The following RBM19 variants were observed in gnomAD, a reference collection of about 807,000 sequenced individuals.
The protein encoded by RBM19 is RNA binding motif protein 19.
A neutral mutation model predicts 116.8 loss-of-function variants in RBM19; 94 were observed. That is an observed-to-expected ratio of 0.80 (90% CI 0.68 to 0.95). The LOEUF (loss-of-function observed/expected upper bound fraction) is 0.95, where lower values mean the gene tolerates loss of function less well. Among genes scored for constraint, RBM19 ranks in the 40% least tolerant of loss-of-function variants. The pLI is 0.00. For missense variants in RBM19, 1,161 were observed against 1,220.7 expected (o/e 0.95, Z 0.73); for synonymous variants, 475 against 494.1 (o/e 0.96, Z 0.51).
At chr12:113,901,498 TATTCATTCATTCATTC>T (rs148668311) in intron 21 of RBM19, among the ~76,000 whole-genome samples, 1 of 151,628 alleles carries the variant, frequency 6.6e-6, no homozygotes, top group Non-Finnish European at 1.5e-5. Context: ...TTCCTTCTTT[TATTCATTCATTCATTC>T]ATTCATTCAT....
chr12:113,819,077 TA>T (rs1032964783), downstream of RBM19, among the ~76,000 whole-genome samples: 4 of 152,218 alleles, frequency 2.6e-5, no homozygotes, highest in African/African-American at 9.6e-5. Context: ...AGCCTCTTGA[TA>T]AGGGAGTTTC....
Position 113,840,551 on chromosome 12 carries a change from G to A in RBM19, c.2785+4117C>T, listed in dbSNP as rs77733270. On this transcript the variant is annotated intron_variant, in intron 23 of 23. Coordinates refer to ENST00000261741, the MANE Select transcript of RBM19 (RefSeq NM_016196.4). The stretch of plus-strand genomic sequence containing the variant: ...CCATCCTCTGTCCTGCTCCATCCCC[G>A]GAAGGCTGAACCCTACTGAACGTGT... Among the ~76,000 whole-genome samples the A allele has an allele frequency of 6.1e-4, 93 of 152,366 alleles. 1 individual carries two copies. In the East Asian group the frequency reaches 0.017, roughly 27 times the overall value.
chr12:113,960,763 T>C (rs1438094118), intron 2 of RBM19, among the ~76,000 whole-genome samples: 1 of 152,148 alleles, frequency 6.6e-6, no homozygotes, highest in Non-Finnish European at 1.5e-5. Context: ...TTAATTATCA[T>C]AAAGTAAGCT....
At chr12:113,924,632 G>T in intron 18 of RBM19, 65 bp downstream of exon 18, 1 of 1,399,176 alleles carries the variant, frequency 7.1e-7, no homozygotes, top group Non-Finnish European at 1.0e-6. Context: ...TGAAGCTGGA[G>T]CTTCTTTTGG....
rs1872857123 is a variant in RBM19, at chr12:113,966,220, C to T, written c.8G>A (p.Arg3Gln). MS[R>Q]LIVKNLPNGM... ...ATTCGGGAGATTCTTCACGATCAGT[C>T]GCGACATGGCGCAGGGTCCCCGCTG... Residue 3 changes from arginine to glutamine, a missense_variant, in exon 1 of 24, where the codon CGA (arginine) becomes CAA (glutamine). Physicochemically the swap from Arg to Gln is conservative, Grantham distance 43 (BLOSUM62 1). Transcript: ENST00000261741. 1.9e-6 allele frequency: 3 copies of T among 1,614,148 alleles called. No individual in the cohort carries two copies. The highest frequency in any genetic ancestry group is 2.2e-5 in the South Asian group (2 of 91,090).
At chr12:113,854,903 G>A (rs1399913893) in intron 22 of RBM19, among the ~76,000 whole-genome samples, 1 of 152,236 alleles carries the variant, frequency 6.6e-6, no homozygotes, top group Non-Finnish European at 1.5e-5. Context: ...CAGTGCGAGT[G>A]TGGTGAATGT....
At chr12:113,939,488 G>A (rs1189178153) in intron 15 of RBM19, among the ~76,000 whole-genome samples, 1 of 145,702 alleles carries the variant, frequency 6.9e-6, no homozygotes. Context: ...AGTGGCTCAC[G>A]CCTGTAATCC....
intron 23 of RBM19, among the ~76,000 whole-genome samples, chr12:113,837,733 C>G (rs1876096691): frequency 6.6e-6 from 1 of 152,234 alleles, no homozygotes; most frequent in South Asian, 2.1e-4. Context: ...GCTCTGTGGT[C>G]AGTAGCTGGG....
At chr12:113,925,789 T>C (rs1273275605) in intron 17 of RBM19, among the ~76,000 whole-genome samples, 1 of 152,192 alleles carries the variant, frequency 6.6e-6, no homozygotes, top group Non-Finnish European at 1.5e-5. Flanking sequence ...GGCTGCTGTT[T>C]GAGTGCATCT....
Position 113,823,277 on chromosome 12 carries a change from C to A in RBM19, c.2830G>T (p.Glu944Ter). The change falls in exon 24 of 24, where the codon GAG (glutamate) becomes TAG (stop). Residue 944 changes from glutamate (E) to a stop codon, truncating the protein, a stop_gained. Coordinates refer to ENST00000261741, the MANE Select transcript of RBM19 (RefSeq NM_016196.4). LOFTEE classifies it high-confidence loss of function. ...KRSVVLDEIL[E>*]QLEGSDSDSE... ...TCGCTGTCACTGCCTTCCAGCTGCTCCAGGATCTCGTCCAACACCACAGAC... is the reference window on the plus strand; with the variant it reads ...TCGCTGTCACTGCCTTCCAGCTGCTACAGGATCTCGTCCAACACCACAGAC... 1 of 1,613,196 alleles carries A rather than the reference C, an allele frequency of 6.2e-7. No individual in the cohort carries two copies. The highest frequency in any genetic ancestry group is 8.5e-7 in the Non-Finnish European group (1 of 1,180,028).
intron 1 of RBM19, among the ~76,000 whole-genome samples, chr12:113,964,157 A>G (rs1257410993): frequency 3.9e-5 from 6 of 152,330 alleles, no homozygotes; most frequent in Non-Finnish European, 2.9e-5. Flanking sequence ...AGTACTCACT[A>G]CTAATTATTT....
chr12:113,948,120 C>T lies in RBM19; in HGVS notation c.1277-656G>A, dbSNP rs145228615. The stretch of plus-strand genomic sequence containing the variant: ...ACTCAGGGCATCCTTACCCTGACAA[C>T]GGGGCCCACATCAGGTGTTCAACCT... On this transcript the variant is annotated intron_variant, in intron 10 of 23. Transcript: ENST00000261741. 3.0e-4 allele frequency among the ~76,000 whole-genome samples: 45 copies of T among 152,300 alleles called. No individual in the cohort carries two copies. The East Asian group carries it at 7.0e-3, about 24-fold the overall frequency.
chr12:113,848,417 T>C (rs940832367), intron 22 of RBM19, among the ~76,000 whole-genome samples: 1 of 152,204 alleles, frequency 6.6e-6, no homozygotes, highest in African/African-American at 2.4e-5. Context: ...TGTGGTGGCC[T>C]CAAACTGTCG....
intron 21 of RBM19, among the ~76,000 whole-genome samples, chr12:113,875,718 C>G (rs1879624551): frequency 6.6e-6 from 1 of 152,160 alleles, no homozygotes; most frequent in Admixed American, 6.5e-5. Context: ...GGTCAGGAGG[C>G]CCCTTGCAAC....
chr12:113,941,896 TC>T (rs1870606730), intron 14 of RBM19, among the ~76,000 whole-genome samples: 1 of 152,178 alleles, frequency 6.6e-6, no homozygotes, highest in Admixed American at 6.5e-5. Flanking sequence ...TCTCATGATG[TC>T]TTAGGGGCCC....
chr12:113,850,735 G>C (rs1313285635), intron 22 of RBM19, among the ~76,000 whole-genome samples: 1 of 152,250 alleles, frequency 6.6e-6, no homozygotes, highest in East Asian at 1.9e-4. Context: ...CAGTATTCCT[G>C]TCTTTAGAAC....
chr12:113,916,219 C>T (rs1000474857), intron 20 of RBM19, among the ~76,000 whole-genome samples: 2 of 152,114 alleles, frequency 1.3e-5, no homozygotes, highest in Non-Finnish European at 2.9e-5. Flanking sequence ...CCAGCCTGGC[C>T]AACATAGTGA....
At position 113,957,748 on chromosome 12, in the gene RBM19, C is replaced by T. The variant is rs775055145; in HGVS notation, c.840+34G>A. On this transcript the variant is annotated intron_variant, in intron 6 of 23. Transcript: ENST00000261741. ...ACCACGGGCAAGCAGGAGAGCGCACCTCCTCCCTCATCACCTGCGGGATAC... is the reference window on the plus strand; with the variant it reads ...ACCACGGGCAAGCAGGAGAGCGCACTTCCTCCCTCATCACCTGCGGGATAC... The T allele has an allele frequency of 3.3e-6, 5 of 1,536,908 alleles. No individual in the cohort carries two copies. In the African/African-American group the frequency reaches 6.9e-5, roughly 21 times the overall value.
In RBM19 at chr12:113,830,584, GGGGGGT is replaced by G. The variant is rs1593454439; in HGVS notation, c.2786-7269_2786-7264del. Reference sequence around the variant, plus strand: ...AGCTAGGGCTGCGGGGCGGGGGGGGGGGGGGTGGGCTATGCCTGGGGGCTTCTAGAC... The same window carrying G: ...AGCTAGGGCTGCGGGGCGGGGGGGGGGGGCTATGCCTGGGGGCTTCTAGAC... On this transcript the variant is annotated intron_variant, in intron 23 of 23. Transcript: ENST00000261741. Among the ~76,000 whole-genome samples, 27 of 106,974 alleles carry G rather than the reference GGGGGGT, an allele frequency of 2.5e-4. No individual in the cohort carries two copies. The East Asian group carries it at 2.9e-3, about 12-fold the overall frequency. The allele number at this position is 106,974 out of a possible 152,430, so 70.2% of individuals were successfully genotyped here. A position where few individuals can be genotyped will look rare whatever the true frequency, so the allele number is the denominator to read the frequency against.
Sources: allele counts gnomAD v4.1 joint callset (sites outside exome capture counted in the v4.1 genomes callset), GRCh38; gene constraint gnomAD v4.1.1; transcripts MANE v1.5; gene names NCBI Gene and HGNC (gene_info 2026-07-23, HGNC 2026-07-21).